The following ABI3BP variants were observed in gnomAD, a reference collection of about 807,000 sequenced individuals.
ABI3BP encodes the protein ABI family member 3 binding protein.
A neutral mutation model predicts 268.6 loss-of-function variants in ABI3BP; 216 were observed. That is an observed-to-expected ratio of 0.80 (90% CI 0.72 to 0.90). The LOEUF (loss-of-function observed/expected upper bound fraction) is 0.90, where lower values mean the gene tolerates loss of function less well. Among genes scored for constraint, ABI3BP ranks in the 40% least tolerant of loss-of-function variants. The pLI, the probability that ABI3BP is intolerant of heterozygous loss-of-function variation, is 0.00. For synonymous variants in ABI3BP, 730 were observed against 730.0 expected, an observed-to-expected ratio of 1.00 and a Z score of 0.00; for missense variants, 2,090 against 2,182.4, an observed-to-expected ratio of 0.96 and a Z score of 0.84.
At chr3:100,864,735 A>C in intron 11 of ABI3BP, 98 bp downstream of exon 11, 1 of 820,162 alleles carries the variant, frequency 1.2e-6, no homozygotes, top group East Asian at 2.7e-5. Context: ...GGGGAGGGAG[A>C]GAGAAGTTAA....
chr3:100,958,461 T>C (rs542669685), intron 1 of ABI3BP, among the ~76,000 whole-genome samples: 8 of 152,332 alleles, frequency 5.3e-5, no homozygotes, highest in African/African-American at 1.7e-4. Context: ...TCCTGTAATG[T>C]ATACATTGGG....
At chr3:100,798,928 G>A (rs1310363664) in intron 51 of ABI3BP, among the ~76,000 whole-genome samples, 1 of 152,020 alleles carries the variant, frequency 6.6e-6, no homozygotes, top group Admixed American at 6.6e-5. Flanking sequence ...TCCAGTCTGA[G>A]TCTGAGAGGA....
At chr3:100,891,334 C>T (rs982702428) in intron 4 of ABI3BP, among the ~76,000 whole-genome samples, 3 of 152,176 alleles carry the variant, frequency 2.0e-5, no homozygotes, top group Non-Finnish European at 4.4e-5. Flanking sequence ...AATGGAATGG[C>T]TTGCCTGAAG....
At chr3:100,777,730 C>A (rs2150176538) in intron 59 of ABI3BP, among the ~76,000 whole-genome samples, 1 of 152,204 alleles carries the variant, frequency 6.6e-6, no homozygotes, top group East Asian at 1.9e-4. Context: ...AATGTGTGTG[C>A]CCAGGCATGG....
At chr3:100,968,165 C>G (rs936008814) in intron 1 of ABI3BP, among the ~76,000 whole-genome samples, 13 of 152,168 alleles carry the variant, frequency 8.5e-5, no homozygotes, top group Non-Finnish European at 1.6e-4. Context: ...TATTCTATTA[C>G]TATAATATAC....
At chr3:100,816,932 A>C (rs1198498319) in intron 42 of ABI3BP, among the ~76,000 whole-genome samples, 164 bp from the exon 43 acceptor site, 1 of 152,158 alleles carries the variant, frequency 6.6e-6, no homozygotes, top group Non-Finnish European at 1.5e-5. Context: ...GATTCTTGAG[A>C]GAGAAAACTT....
chr3:100,964,227 G>A (rs1197776138), intron 1 of ABI3BP, among the ~76,000 whole-genome samples: 3 of 152,082 alleles, frequency 2.0e-5, no homozygotes, highest in African/African-American at 7.2e-5. Context: ...TCAGCCACTT[G>A]TATGGTAAAG....
chr3:100,853,644 A>T (rs2153064728), intron 14 of ABI3BP, among the ~76,000 whole-genome samples: 1 of 152,282 alleles, frequency 6.6e-6, no homozygotes, highest in South Asian at 2.1e-4. Context: ...GTTCCAAAAG[A>T]TGATATTTAT....
intron 4 of ABI3BP, among the ~76,000 whole-genome samples, chr3:100,894,916 G>A (rs1477423555): frequency 2.2e-5 from 2 of 89,922 alleles, no homozygotes; most frequent in East Asian, 6.8e-4. Flanking sequence ...TCCAGCCTGG[G>A]CGACAGAGCG....
intron 1 of ABI3BP, among the ~76,000 whole-genome samples, chr3:100,948,052 G>A (rs1349974751): frequency 6.6e-6 from 1 of 152,174 alleles, no homozygotes; most frequent in Non-Finnish European, 1.5e-5. Flanking sequence ...TGCTGAGGGA[G>A]GAAGTAGATG....
chr3:100,863,940 C>A, intron 12 of ABI3BP, 62 bp downstream of exon 12: 2 of 1,202,464 alleles, frequency 1.7e-6, no homozygotes, highest in Non-Finnish European at 2.4e-6. Flanking sequence ...CAAAAGACTT[C>A]TTTGAAGCAT....
Position 100,821,132 on chromosome 3 carries a change from AT to A in ABI3BP, c.2888-20del. 2 of 1,531,486 alleles carry A rather than the reference AT, an allele frequency of 1.3e-6. No individual in the cohort carries two copies. The highest frequency in any genetic ancestry group is 8.8e-7 in the Non-Finnish European group (1 of 1,142,766). The allele number at this position is 1,531,486 out of a possible 1,614,324, so 94.9% of individuals were successfully genotyped here. A position where few individuals can be genotyped will look rare whatever the true frequency, so the allele number is the denominator to read the frequency against. ...GTAGGAACTGATCAAAAGCATTAAAATTAACCAAATGATTATTTTAAATGAA... is the reference window on the plus strand; with the variant it reads ...GTAGGAACTGATCAAAAGCATTAAAATAACCAAATGATTATTTTAAATGAA... On this transcript the variant is annotated intron_variant, in intron 38 of 67. Coordinates refer to ENST00000471714, the MANE Select transcript of ABI3BP (RefSeq NM_001375547.2).
intron 2 of ABI3BP, among the ~76,000 whole-genome samples, chr3:100,926,085 G>A (rs2061722215): frequency 6.6e-6 from 1 of 151,840 alleles, no homozygotes; most frequent in South Asian, 2.1e-4. Context: ...ATATAGCCAG[G>A]GAGAATGAAG....
intron 1 of ABI3BP, among the ~76,000 whole-genome samples, chr3:100,935,586 G>A (rs1171820119): frequency 3.3e-5 from 5 of 152,002 alleles, no homozygotes; most frequent in Admixed American, 2.0e-4. Context: ...CCATTTTCAC[G>A]ATATTGATTC....
intron 1 of ABI3BP, among the ~76,000 whole-genome samples, chr3:100,937,155 A>C (rs1434650098): frequency 6.6e-6 from 1 of 152,064 alleles, no homozygotes; most frequent in Non-Finnish European, 1.5e-5. Context: ...ACCACAGTGA[A>C]ATATTACACA....
chr3:100,782,928 C>A (rs2150368247), intron 57 of ABI3BP, among the ~76,000 whole-genome samples: 1 of 152,192 alleles, frequency 6.6e-6, no homozygotes, highest in East Asian at 1.9e-4. Flanking sequence ...AGAGTCAGCT[C>A]TGTAAGCATC....
At position 100,811,718 on chromosome 3, in the gene ABI3BP, C is replaced by T; in HGVS notation, c.3493+10G>A. On this transcript the variant is annotated intron_variant, in intron 47 of 67. Coordinates refer to ENST00000471714, the MANE Select transcript of ABI3BP (RefSeq NM_001375547.2). ...GAATAAATGAATCAAAGCATTAAAA[C>T]CTTTGCTACCTTCAGTCTTTGGCTC... 1.3e-6 allele frequency: 2 copies of T among 1,533,856 alleles called. No individual in the cohort carries two copies. The highest frequency in any genetic ancestry group is 8.7e-7 in the Non-Finnish European group (1 of 1,145,164).
intron 2 of ABI3BP, among the ~76,000 whole-genome samples, chr3:100,916,633 T>C (rs960063189): frequency 1.3e-5 from 2 of 152,176 alleles, no homozygotes; most frequent in Non-Finnish European, 2.9e-5. Context: ...GCCCAGCACA[T>C]TGTAAGTGCT....
intron 42 of ABI3BP, 71 bp from the exon 43 acceptor site, chr3:100,816,839 A>G: frequency 1.9e-6 from 2 of 1,068,808 alleles, no homozygotes; most frequent in East Asian, 2.6e-5. Context: ...TTTTAAAGGT[A>G]TGTCATATTT....
Sources: gnomAD v4.1 joint callset for allele counts (sites outside exome capture counted in the v4.1 genomes callset) on GRCh38, gnomAD v4.1.1 for gene constraint, MANE v1.5 for transcripts, NCBI Gene and HGNC (gene_info 2026-07-23, HGNC 2026-07-21) for gene names.